PRKAR1B: variants seen among roughly 807,000 people sequenced by gnomAD.
PRKAR1B encodes the protein protein kinase cAMP-dependent type I regulatory subunit beta, also known as cAMP-dependent protein kinase type I-beta regulatory subunit.
Under a neutral mutation model 46.5 loss-of-function variants are expected in PRKAR1B, and 22 were observed. The ratio of observed to expected loss-of-function variants is 0.47; its 90% CI spans 0.34 to 0.68. PRKAR1B has a LOEUF of 0.68. Ranked by LOEUF, PRKAR1B falls within the 30% of genes least tolerant of loss-of-function variation. The pLI is 0.01. For missense variants in PRKAR1B, 445 were observed against 535.6 expected, an observed-to-expected ratio of 0.83 and a Z score of 1.67; for synonymous variants, 259 against 217.7, an observed-to-expected ratio of 1.19 and a Z score of -1.67.
At chr7:635,284 G>A (rs543820473) in intron 4 of PRKAR1B, among the ~76,000 whole-genome samples, 2 of 152,328 alleles carry the variant, frequency 1.3e-5, no homozygotes, top group African/African-American at 4.8e-5. Context: ...CCCTCCCCTG[G>A]CAGCTTCCAC....
chr7:619,155 G>A (rs999310015), intron 4 of PRKAR1B, among the ~76,000 whole-genome samples: 27 of 152,264 alleles, frequency 1.8e-4, no homozygotes, highest in African/African-American at 5.3e-4. Context: ...GGAAAACACA[G>A]TGTCCACGCA....
intron 4 of PRKAR1B, among the ~76,000 whole-genome samples, chr7:673,240 TG>T (rs1249148839): frequency 6.6e-6 from 1 of 152,044 alleles, no homozygotes; most frequent in African/African-American, 2.4e-5. Flanking sequence ...GGTCCCTTCG[TG>T]ATCTTCCAAA....
At chr7:623,251 TG>T (rs911263905) in intron 4 of PRKAR1B, among the ~76,000 whole-genome samples, 3 of 152,240 alleles carry the variant, frequency 2.0e-5, no homozygotes, top group Non-Finnish European at 4.4e-5. Context: ...TGCTCCCGGC[TG>T]GGGTGCCAAC....
intron 4 of PRKAR1B, among the ~76,000 whole-genome samples, chr7:621,949 G>T (rs954191604): frequency 2.0e-5 from 3 of 152,234 alleles, no homozygotes; most frequent in African/African-American, 7.2e-5. Flanking sequence ...AGTGCTGCTA[G>T]AAGGGTCACA....
At chr7:727,096 G>T (rs967262219) in intron 1 of PRKAR1B, 114 bp downstream of exon 1, 2 of 1,067,370 alleles carry the variant, frequency 1.9e-6, no homozygotes, top group East Asian at 7.0e-5. Context: ...CGCGCGCTTG[G>T]CCGGCCCCGT....
chr7:664,766 T>C (rs919930868), intron 4 of PRKAR1B, among the ~76,000 whole-genome samples: 1 of 148,658 alleles, frequency 6.7e-6, no homozygotes, highest in Non-Finnish European at 1.5e-5. Context: ...AAAAAAAAAA[T>C]AGCTGGGTGT....
chr7:691,547 T>A (rs1779426823), intron 2 of PRKAR1B: 1 of 1,304,314 alleles, frequency 7.7e-7, no homozygotes, highest in Non-Finnish European at 1.0e-6. Context: ...TACCAGTGGA[T>A]CCATGTCCAC....
chr7:608,646 C>T (rs1782265704), intron 4 of PRKAR1B, among the ~76,000 whole-genome samples: 1 of 53,568 alleles, frequency 1.9e-5, no homozygotes, highest in African/African-American at 5.6e-5. Context: ...CTCCACTGTC[C>T]TCCCACCTGG....
chr7:721,635 C>T (rs1389741535), intron 1 of PRKAR1B, among the ~76,000 whole-genome samples: 7 of 143,838 alleles, frequency 4.9e-5, no homozygotes, highest in Admixed American at 1.4e-4. Context: ...GCAACAAGAG[C>T]GAAATTCCGT....
intron 2 of PRKAR1B, chr7:697,048 C>A (rs1003437231): frequency 6.6e-6 from 1 of 152,214 alleles, no homozygotes; most frequent in Admixed American, 6.5e-5. Context: ...GCAGGACGGT[C>A]GAGGTCGTGG....
chr7:580,744 C>CAAAAAA (rs754143077), intron 8 of PRKAR1B, among the ~76,000 whole-genome samples: 6 of 117,338 alleles, frequency 5.1e-5, no homozygotes, highest in Admixed American at 8.9e-5. Flanking sequence ...TCTTTTTTGA[C>CAAAAAA]AAAAAAAAAA....
At chr7:608,523 T>G (rs1445211683) in intron 4 of PRKAR1B, 1 of 152,430 alleles carries the variant, frequency 6.6e-6, no homozygotes, top group Non-Finnish European at 1.5e-5. Context: ...GCTTCTTTTT[T>G]GAGTCCTTGT....
intron 9 of PRKAR1B, among the ~76,000 whole-genome samples, chr7:564,549 C>A (rs142328936): frequency 2.0e-5 from 3 of 152,228 alleles, no homozygotes; most frequent in African/African-American, 7.2e-5. Context: ...CCCGCCCCAC[C>A]GCATTCAGGC....
chr7:612,831 C>T (rs1782602518), intron 4 of PRKAR1B, among the ~76,000 whole-genome samples: 2 of 150,200 alleles, frequency 1.3e-5, no homozygotes, highest in Admixed American at 1.3e-4. Context: ...GCAACAGAGG[C>T]TTTATTAAAT....
At chr7:590,102 C>T (rs1420660866) in intron 7 of PRKAR1B, among the ~76,000 whole-genome samples, 1 of 152,228 alleles carries the variant, frequency 6.6e-6, no homozygotes, top group Admixed American at 6.5e-5. Context: ...CCCCCGGTGC[C>T]TGGAGACCAG....
chr7:656,284 G>C (rs1439347567), intron 4 of PRKAR1B, among the ~76,000 whole-genome samples: 1 of 152,132 alleles, frequency 6.6e-6, no homozygotes, highest in Non-Finnish European at 1.5e-5. Context: ...ATGGATGGAT[G>C]AATGAGTGGA....
chr7:605,138 G>A (rs1350029631), intron 6 of PRKAR1B, among the ~76,000 whole-genome samples: 1 of 152,242 alleles, frequency 6.6e-6, no homozygotes, highest in East Asian at 1.9e-4. Flanking sequence ...AGGAGCTAAC[G>A]GGGTTCCCGG....
intron 9 of PRKAR1B, chr7:565,512 T>A (rs1779074758): frequency 6.6e-6 from 1 of 151,750 alleles, no homozygotes; most frequent in South Asian, 2.1e-4. Flanking sequence ...CCAGGGAGAG[T>A]CTCGTGCTCA....
chr7:704,341 C>G (rs73047937), intron 2 of PRKAR1B, among the ~76,000 whole-genome samples: 19,453 of 152,136 alleles, frequency 0.13, 1,331 homozygotes, highest in South Asian at 0.22. Flanking sequence ...CAGAAATTAC[C>G]GTCTCAGGAA....
Sources: gnomAD v4.1 joint callset for allele counts (sites outside exome capture counted in the v4.1 genomes callset) on GRCh38, gnomAD v4.1.1 for gene constraint, MANE v1.5 for transcripts, NCBI Gene and HGNC (gene_info 2026-07-23, HGNC 2026-07-21) for gene names.